The following ADAMTS9 variants were observed in gnomAD, a reference collection of about 807,000 sequenced individuals.
The protein encoded by ADAMTS9 is A disintegrin and metalloproteinase with thrombospondin motifs 9.
Under a neutral mutation model 257.1 loss-of-function variants are expected in ADAMTS9, and 107 were observed. The observed-to-expected ratio is 0.42, with a 90% CI of 0.36 to 0.49. ADAMTS9 has a LOEUF of 0.49. Among genes scored for constraint, ADAMTS9 ranks in the 20% least tolerant of loss-of-function variants. The pLI is 0.03. For synonymous variants in ADAMTS9, 982 were observed against 880.9 expected (o/e 1.11, Z -2.03); for missense variants, 2,353 against 2,469.1 (o/e 0.95, Z 1.00).
intron 30 of ADAMTS9, among the ~76,000 whole-genome samples, chr3:64,559,017 C>T (rs2083379985): frequency 6.6e-6 from 1 of 152,072 alleles, no homozygotes; most frequent in Admixed American, 6.6e-5. Flanking sequence ...GAGGTGAGGG[C>T]TGTGATTTAG....
chr3:64,583,073 T>C (rs953310273), intron 28 of ADAMTS9: 4 of 152,230 alleles, frequency 2.6e-5, no homozygotes, highest in Non-Finnish European at 4.4e-5. Flanking sequence ...ATTATGAACA[T>C]GATGAGGATA....
chr3:64,621,262 A>G (rs1421232205), intron 18 of ADAMTS9, 22 bp from the exon 19 acceptor site: 3 of 1,600,472 alleles, frequency 1.9e-6, no homozygotes, highest in Non-Finnish European at 2.6e-6. Flanking sequence ...GGGAAAAAAA[A>G]TTATTCAGGG....
chr3:64,580,513 T>C (rs1375969200), intron 28 of ADAMTS9, among the ~76,000 whole-genome samples: 5 of 152,116 alleles, frequency 3.3e-5, no homozygotes, highest in African/African-American at 9.7e-5. Context: ...AAAGACCAAA[T>C]TTTCTTAGCT....
chr3:64,667,469 G>C (rs1486359642), intron 3 of ADAMTS9, among the ~76,000 whole-genome samples: 3 of 152,168 alleles, frequency 2.0e-5, no homozygotes, highest in South Asian at 2.1e-4. Context: ...TTCCCTCTCA[G>C]GGAGAGAAGG....
chr3:64,602,319 C>T (rs533329017), intron 25 of ADAMTS9, 106 bp from the exon 26 acceptor site: 1 of 1,371,330 alleles, frequency 7.3e-7, no homozygotes, highest in Admixed American at 1.9e-5. Context: ...CCAAATTGCT[C>T]AGGCCAAAAA....
At chr3:64,578,378 A>G (rs1417869776) in intron 28 of ADAMTS9, among the ~76,000 whole-genome samples, 1 of 152,132 alleles carries the variant, frequency 6.6e-6, no homozygotes, top group Non-Finnish European at 1.5e-5. Context: ...CACAACACAG[A>G]AGACTTGGCA....
rs1701742538 is a variant in ADAMTS9 at position 64,681,073 on chromosome 3, T to G, written c.679+128A>C. Reference sequence around the variant, plus strand: ...AGTGGGGTATGTATCCCTACATCATTTGAGGACTGAATAAACAATAATGCA... The same window carrying G: ...AGTGGGGTATGTATCCCTACATCATGTGAGGACTGAATAAACAATAATGCA... On this transcript the variant is annotated intron_variant, in intron 3 of 39. Coordinates refer to ENST00000498707, the MANE Select transcript of ADAMTS9 (RefSeq NM_182920.2). 44 of 1,093,470 alleles carry G rather than the reference T, an allele frequency of 4.0e-5. No homozygotes were observed. In the South Asian group the frequency reaches 7.4e-4, roughly 18 times the overall value. The allele number at this position is 1,093,470 out of a possible 1,614,324, so 67.7% of individuals were successfully genotyped here.
At chr3:64,646,530 A>G (rs1650011189) in intron 11 of ADAMTS9, among the ~76,000 whole-genome samples, 1 of 152,188 alleles carries the variant, frequency 6.6e-6, no homozygotes, top group African/African-American at 2.4e-5. Context: ...TTACGCTTGT[A>G]TCCGTATAAA....
chr3:64,542,430 C>CTTTTTTTTTTTTTT (rs56812239), intron 32 of ADAMTS9, among the ~76,000 whole-genome samples: 2 of 124,538 alleles, frequency 1.6e-5, no homozygotes, highest in Admixed American at 9.5e-5. Flanking sequence ...TTCTTTCTTT[C>CTTTTTTTTTTTTTT]TTTTTTTTTT....
At chr3:64,648,455 A>G (rs915193131) in intron 10 of ADAMTS9, among the ~76,000 whole-genome samples, 1 of 152,150 alleles carries the variant, frequency 6.6e-6, no homozygotes, top group Admixed American at 6.5e-5. Context: ...ACTGCACCAT[A>G]CTGACATATC....
chr3:64,604,687 C>T (rs9870191), intron 23 of ADAMTS9, among the ~76,000 whole-genome samples: 13,498 of 152,246 alleles, frequency 0.089, 1,884 homozygotes, highest in African/African-American at 0.3. Context: ...CGTTTTAAAA[C>T]TCTGAAGGCC....
At chr3:64,663,424 A>G (rs1052770771) in intron 3 of ADAMTS9, among the ~76,000 whole-genome samples, 1 of 122,072 alleles carries the variant, frequency 8.2e-6, no homozygotes, top group African/African-American at 3.5e-5. Context: ...TGTTGTATGG[A>G]ATTCTTTTTT....
rs976183569 is a variant in ADAMTS9 at position 64,683,989 on chromosome 3, C to T, written c.516+2579G>A. Among the ~76,000 whole-genome samples the T allele has an allele frequency of 2.0e-5, 3 of 151,958 alleles. No individual in the cohort carries two copies. The South Asian group carries it at 6.2e-4, about 32-fold the overall frequency. Reference sequence around the variant, plus strand: ...AAGAAGAGATATAAATTATATACACCTCCAAAGAAGGGTAGGATTTGAGCA... The same window carrying T: ...AAGAAGAGATATAAATTATATACACTTCCAAAGAAGGGTAGGATTTGAGCA... On this transcript the variant is annotated intron_variant, in intron 2 of 39. Transcript: ENST00000498707.
At chr3:64,580,392 A>G (rs1481793978) in intron 28 of ADAMTS9, among the ~76,000 whole-genome samples, 1 of 152,180 alleles carries the variant, frequency 6.6e-6, no homozygotes, top group African/African-American at 2.4e-5. Context: ...TGAATTTGAT[A>G]GAATGAAATC....
chr3:64,613,231 T>G (rs967604276), intron 22 of ADAMTS9, 114 bp downstream of exon 22: 7 of 1,314,598 alleles, frequency 5.3e-6, no homozygotes, highest in Non-Finnish European at 4.2e-6. Flanking sequence ...GGAGGTGTCC[T>G]GCATGCCACC....
chr3:64,534,790 A>C (rs1186461292), intron 37 of ADAMTS9, among the ~76,000 whole-genome samples: 1 of 151,908 alleles, frequency 6.6e-6, no homozygotes, highest in Non-Finnish European at 1.5e-5. Context: ...GGGGCAGGGA[A>C]TGGTGCTGCT....
chr3:64,685,400 T>C (rs1701874068), intron 2 of ADAMTS9: 1 of 152,316 alleles, frequency 6.6e-6, no homozygotes, highest in Non-Finnish European at 1.5e-5. Flanking sequence ...TCGGGAAGAA[T>C]AAAGGCATCA....
Position 64,628,434 on chromosome 3 carries a change from T to C in ADAMTS9, c.2389+3021A>G, listed in dbSNP as rs116823875. ...ACATGGCCTTCAGGTCTCAGGAAAT[T>C]AATTTATAAAGCAGGCTGCATGCAA... On this transcript the variant is annotated intron_variant, in intron 16 of 39. Coordinates refer to ENST00000498707, the MANE Select transcript of ADAMTS9 (RefSeq NM_182920.2). Among the ~76,000 whole-genome samples the C allele has an allele frequency of 3.4e-3, 523 of 152,274 alleles. 1 individual carries two copies. Among genetic ancestry groups the C allele is most frequent in the Non-Finnish European group, 6.0e-3 (405 of 68,014 alleles).
At chr3:64,593,641 G>T (rs1187461998) in intron 28 of ADAMTS9, among the ~76,000 whole-genome samples, 1 of 152,136 alleles carries the variant, frequency 6.6e-6, no homozygotes, top group East Asian at 1.9e-4. Flanking sequence ...GCAAAAAATG[G>T]TCCCAAACGG....
Sources: gnomAD v4.1 joint callset for allele counts (sites outside exome capture counted in the v4.1 genomes callset) on GRCh38, gnomAD v4.1.1 for gene constraint, MANE v1.5 for transcripts, NCBI Gene and HGNC (gene_info 2026-07-23, HGNC 2026-07-21) for gene names.